Variants in NCKAP5 observed in about 807,000 individuals in gnomAD.
The protein encoded by NCKAP5 is nck-associated protein 5.
A neutral mutation model predicts 167.0 loss-of-function variants in NCKAP5; 92 were observed. The observed-to-expected ratio is 0.55, with a 90% CI of 0.47 to 0.66. NCKAP5 has a LOEUF of 0.66. Ranked by LOEUF, NCKAP5 falls within the 30% of genes least tolerant of loss-of-function variation. The pLI is 0.00. For missense variants in NCKAP5, 2,378 were observed against 2,315.0 expected (o/e 1.03, Z -0.56); for synonymous variants, 891 against 877.4 (o/e 1.02, Z -0.27).
chr2:133,363,469 A>G (rs574754517), intron 3 of NCKAP5, among the ~76,000 whole-genome samples: 1 of 152,344 alleles, frequency 6.6e-6, no homozygotes, highest in East Asian at 1.9e-4. Context: ...TTCCCTGACT[A>G]GTTACATAAA....
At chr2:133,087,407 A>T (rs1273429724) in intron 6 of NCKAP5, among the ~76,000 whole-genome samples, 2 of 152,230 alleles carry the variant, frequency 1.3e-5, no homozygotes, top group African/African-American at 4.8e-5. Context: ...TGATAAAGAC[A>T]GAGAAGTAAT....
intron 16 of NCKAP5, among the ~76,000 whole-genome samples, chr2:132,748,147 T>G (rs1679804805): frequency 6.6e-6 from 1 of 152,216 alleles, no homozygotes; most frequent in Admixed American, 6.5e-5. Context: ...CTTCAAGCTG[T>G]TATCAGGAGG....
chr2:132,852,456 C>T (rs1288141972), intron 11 of NCKAP5, among the ~76,000 whole-genome samples: 2 of 152,142 alleles, frequency 1.3e-5, no homozygotes, highest in East Asian at 3.9e-4. Context: ...TTAACTATAT[C>T]CTTCTTCAGT....
intron 11 of NCKAP5, among the ~76,000 whole-genome samples, chr2:132,851,404 T>C (rs1312771816): frequency 6.6e-6 from 1 of 152,184 alleles, no homozygotes; most frequent in Non-Finnish European, 1.5e-5. Flanking sequence ...GAGAGTATCT[T>C]GCCCTGAGAA....
chr2:132,830,581 C>T (rs1048867002), intron 11 of NCKAP5, among the ~76,000 whole-genome samples: 1 of 152,094 alleles, frequency 6.6e-6, no homozygotes, highest in African/African-American at 2.4e-5. Flanking sequence ...GAGATAAGAG[C>T]ACAGATGAGC....
At chr2:133,076,313 T>C (rs566241210) in intron 6 of NCKAP5, among the ~76,000 whole-genome samples, 52 of 152,276 alleles carry the variant, frequency 3.4e-4, no homozygotes, top group African/African-American at 1.2e-3. Flanking sequence ...CTCATGGATA[T>C]AGAGGGCTGA....
At chr2:132,885,498 C>T (rs994196655) in intron 8 of NCKAP5, among the ~76,000 whole-genome samples, 4 of 152,170 alleles carry the variant, frequency 2.6e-5, no homozygotes, top group East Asian at 1.9e-4. Context: ...AGACTTAGCC[C>T]GGGATTTCCT....
chr2:132,791,472 C>T (rs1684064143), intron 12 of NCKAP5, among the ~76,000 whole-genome samples: 1 of 152,144 alleles, frequency 6.6e-6, no homozygotes, highest in Non-Finnish European at 1.5e-5. Flanking sequence ...ACATTATAGG[C>T]CCCTCGTGTA....
intron 5 of NCKAP5, among the ~76,000 whole-genome samples, chr2:133,182,376 T>C (rs1483909591): frequency 2.0e-5 from 3 of 152,170 alleles, no homozygotes; most frequent in Non-Finnish European, 4.4e-5. Context: ...ATAGACCATA[T>C]CCTGAGCCAT....
intron 4 of NCKAP5, among the ~76,000 whole-genome samples, chr2:133,241,185 T>A (rs887081079): frequency 2.6e-5 from 4 of 152,238 alleles, no homozygotes; most frequent in Admixed American, 2.6e-4. Context: ...CAACTATTGA[T>A]ATTTTCTGTA....
chr2:133,376,407 G>A (rs757072192), intron 3 of NCKAP5, among the ~76,000 whole-genome samples: 6 of 152,054 alleles, frequency 3.9e-5, no homozygotes, highest in Non-Finnish European at 5.9e-5. Flanking sequence ...CTTCTCCCCC[G>A]TTTGCCCGAG....
At chr2:133,434,504 C>T (rs1420108374) in intron 3 of NCKAP5, among the ~76,000 whole-genome samples, 3 of 152,182 alleles carry the variant, frequency 2.0e-5, no homozygotes, top group Admixed American at 6.5e-5. Context: ...TGGGATGAAC[C>T]ATTAAACTCT....
At chr2:132,901,187 A>G (rs1693599322) in intron 8 of NCKAP5, among the ~76,000 whole-genome samples, 1 of 152,122 alleles carries the variant, frequency 6.6e-6, no homozygotes, top group African/African-American at 2.4e-5. Flanking sequence ...TCTGTGCCCA[A>G]TTATTGGGAG....
At chr2:133,352,264 C>A (rs1684415400) in intron 3 of NCKAP5, among the ~76,000 whole-genome samples, 1 of 152,232 alleles carries the variant, frequency 6.6e-6, no homozygotes. Context: ...GCCCAACTCC[C>A]TGACTAGAAT....
At chr2:132,794,238 A>T (rs188331336) in intron 12 of NCKAP5, among the ~76,000 whole-genome samples, 1 of 51,768 alleles carries the variant, frequency 1.9e-5, no homozygotes, top group African/African-American at 6.7e-5. Context: ...ATATATATAT[A>T]TATATATATA....
intron 12 of NCKAP5, among the ~76,000 whole-genome samples, chr2:132,794,255 TATATATATAGAGAG>T (rs1219088275): frequency 2.4e-4 from 12 of 49,012 alleles, no homozygotes; most frequent in African/African-American, 4.2e-4. Flanking sequence ...TATATATATA[TATATATATAGAGAG>T]AGAGAGAGAG....
At chr2:133,178,350 T>G (rs1427688887) in intron 5 of NCKAP5, among the ~76,000 whole-genome samples, 4 of 150,352 alleles carry the variant, frequency 2.7e-5, no homozygotes, top group Admixed American at 6.6e-5. Flanking sequence ...AACATGAAAA[T>G]TATCCAGGTG....
At chr2:133,238,676 T>C (rs2087538202) in intron 4 of NCKAP5, among the ~76,000 whole-genome samples, 1 of 152,214 alleles carries the variant, frequency 6.6e-6, no homozygotes, top group Admixed American at 6.5e-5. Flanking sequence ...TCTTTATTTA[T>C]AAATGAAAGG....
chr2:133,416,376 A>G, intron 3 of NCKAP5, among the ~76,000 whole-genome samples: 1 of 152,204 alleles, frequency 6.6e-6, no homozygotes, highest in Admixed American at 6.5e-5. Flanking sequence ...GAAATCATTT[A>G]TCAATGTATA....
Sources: gnomAD v4.1 joint callset for allele counts (sites outside exome capture counted in the v4.1 genomes callset) on GRCh38, gnomAD v4.1.1 for gene constraint, MANE v1.5 for transcripts, NCBI Gene and HGNC (gene_info 2026-07-23, HGNC 2026-07-21) for gene names.